Variants in KIF21A observed in about 807,000 individuals in gnomAD.
KIF21A encodes the protein kinesin family member 21A.
In KIF21A, 114 loss-of-function variants were observed where a neutral mutation model predicts 202.9. That is an observed-to-expected ratio of 0.56 (90% CI 0.48 to 0.66). The LOEUF (loss-of-function observed/expected upper bound fraction) is 0.66, where lower values mean the gene tolerates loss of function less well. KIF21A is among the 30% of genes least tolerant of loss of function. KIF21A has a pLI of 0.00. For synonymous variants in KIF21A, 667 were observed against 670.8 expected (o/e 0.99, Z 0.09); for missense variants, 1,677 against 1,994.9 (o/e 0.84, Z 3.04).
intron 1 of KIF21A, among the ~76,000 whole-genome samples, chr12:39,432,822 G>A (rs1938136644): frequency 6.6e-6 from 1 of 152,104 alleles, no homozygotes; most frequent in African/African-American, 2.4e-5. Context: ...TGCTGGCCGG[G>A]CTGGTCTCAG....
chr12:39,436,422 T>TTTTATATATATATATATATATATATATA (rs1424497663), intron 1 of KIF21A, among the ~76,000 whole-genome samples: 21 of 99,100 alleles, frequency 2.1e-4, no homozygotes, highest in Admixed American at 3.5e-4. Context: ...GTTTACTATA[T>TTTTATATATATATATATATATATATATA]TATATATATA....
chr12:39,418,317 T>C (rs1470103539), intron 1 of KIF21A, among the ~76,000 whole-genome samples: 1 of 152,162 alleles, frequency 6.6e-6, no homozygotes, highest in Non-Finnish European at 1.5e-5. Flanking sequence ...CCTGCCCAGT[T>C]AGTAATTCGG....
intron 1 of KIF21A, among the ~76,000 whole-genome samples, chr12:39,371,216 T>C (rs1463828427): frequency 6.6e-6 from 1 of 152,156 alleles, no homozygotes; most frequent in African/African-American, 2.4e-5. Context: ...CCCCTGAATA[T>C]GGAGAGTTGA....
intron 1 of KIF21A, among the ~76,000 whole-genome samples, chr12:39,422,438 A>G (rs1954378225): frequency 6.6e-6 from 1 of 152,182 alleles, no homozygotes; most frequent in African/African-American, 2.4e-5. Context: ...TAAGACTACA[A>G]TCCTTGAATT....
At chr12:39,324,637 T>G (rs2137845033) in intron 26 of KIF21A, among the ~76,000 whole-genome samples, 1 of 152,342 alleles carries the variant, frequency 6.6e-6, no homozygotes, top group South Asian at 2.1e-4. Flanking sequence ...AAGAATTCTC[T>G]TGAAAAAACA....
At chr12:39,376,237 AAAGAT>A (rs1442142039) in intron 1 of KIF21A, among the ~76,000 whole-genome samples, 2 of 152,184 alleles carry the variant, frequency 1.3e-5, no homozygotes, top group Non-Finnish European at 2.9e-5. Flanking sequence ...ATTGTTATGC[AAAGAT>A]AATAAAGCTG....
chr12:39,353,359 A>T (rs868640899), intron 10 of KIF21A, among the ~76,000 whole-genome samples: 7 of 152,266 alleles, frequency 4.6e-5, no homozygotes, highest in South Asian at 2.1e-4. Flanking sequence ...TTTATTATAT[A>T]TGTGATACCA....
At chr12:39,333,450 A>G (rs531527121) in intron 17 of KIF21A, among the ~76,000 whole-genome samples, 170 bp from the exon 18 acceptor site, 1 of 152,322 alleles carries the variant, frequency 6.6e-6, no homozygotes, top group South Asian at 2.1e-4. Flanking sequence ...TATTCCAACA[A>G]ACACAAATAA....
intron 1 of KIF21A, among the ~76,000 whole-genome samples, chr12:39,381,221 T>C (rs1003844410): frequency 2.4e-4 from 35 of 147,954 alleles, no homozygotes; most frequent in African/African-American, 7.8e-4. Flanking sequence ...GGCAGGAGAA[T>C]GGTGTGAACC....
intron 31 of KIF21A, among the ~76,000 whole-genome samples, chr12:39,314,797 C>A (rs1565705959): frequency 6.6e-6 from 1 of 151,764 alleles, no homozygotes; most frequent in African/African-American, 2.4e-5. Context: ...GCCCCAGTAA[C>A]TTATGTATGG....
chr12:39,418,843 T>G (rs1420464217), intron 1 of KIF21A, among the ~76,000 whole-genome samples: 2 of 152,232 alleles, frequency 1.3e-5, no homozygotes, highest in African/African-American at 4.8e-5. Context: ...TTAATTGCCC[T>G]TTGTTTCAGG....
intron 4 of KIF21A, 54 bp from the exon 5 acceptor site, chr12:39,367,218 A>G (rs775882945): frequency 6.3e-6 from 10 of 1,594,262 alleles, no homozygotes; most frequent in Non-Finnish European, 8.6e-6. Context: ...AAGATACTAT[A>G]CAATCCAAAG....
intron 10 of KIF21A, among the ~76,000 whole-genome samples, chr12:39,353,950 G>A (rs1482068214): frequency 6.6e-6 from 1 of 151,982 alleles, no homozygotes; most frequent in African/African-American, 2.4e-5. Flanking sequence ...GAGGTATGAG[G>A]GCAAGTGTAC....
intron 1 of KIF21A, among the ~76,000 whole-genome samples, chr12:39,420,040 T>A (rs1954116582): frequency 7.6e-6 from 1 of 131,746 alleles, no homozygotes; most frequent in Non-Finnish European, 1.5e-5. Context: ...AAATGGCAAC[T>A]GCTTCTCACC....
intron 1 of KIF21A, among the ~76,000 whole-genome samples, chr12:39,409,790 C>T (rs1333535387): frequency 6.6e-6 from 1 of 150,616 alleles, no homozygotes; most frequent in Non-Finnish European, 1.5e-5. Context: ...TTATAAAAGA[C>T]AAGGCAACGT....
At chr12:39,387,560 C>T (rs987872123) in intron 1 of KIF21A, among the ~76,000 whole-genome samples, 3 of 152,130 alleles carry the variant, frequency 2.0e-5, no homozygotes, top group Non-Finnish European at 2.9e-5. Flanking sequence ...TCCTATCTTC[C>T]CCTTTCCAAA....
intron 10 of KIF21A, among the ~76,000 whole-genome samples, chr12:39,353,592 A>G (rs1321858336): frequency 2.0e-5 from 3 of 152,164 alleles, no homozygotes; most frequent in African/African-American, 7.2e-5. Context: ...ATGAATGCTA[A>G]GAATGCATGA....
At chr12:39,394,264 T>C (rs1951575671) in intron 1 of KIF21A, among the ~76,000 whole-genome samples, 1 of 152,236 alleles carries the variant, frequency 6.6e-6, no homozygotes, top group South Asian at 2.1e-4. Flanking sequence ...TTTACCGTTT[T>C]GAAGCAGAAA....
chr12:39,323,009 A>G, intron 26 of KIF21A, 127 bp from the exon 27 acceptor site: 2 of 686,004 alleles, frequency 2.9e-6, no homozygotes, highest in Non-Finnish European at 4.8e-6. Context: ...AGGTGTGCCA[A>G]ACATAGCATG....
Sources: gnomAD v4.1 joint callset for allele counts (sites outside exome capture counted in the v4.1 genomes callset) on GRCh38, gnomAD v4.1.1 for gene constraint, MANE v1.5 for transcripts, NCBI Gene and HGNC (gene_info 2026-07-23, HGNC 2026-07-21) for gene names.